The following PPA1 variants were observed in gnomAD, a reference collection of about 807,000 sequenced individuals.
PPA1 encodes the protein inorganic pyrophosphatase.
A neutral mutation model predicts 41.8 loss-of-function variants in PPA1; 23 were observed. The ratio of observed to expected loss-of-function variants is 0.55; its 90% CI spans 0.40 to 0.78. The LOEUF (loss-of-function observed/expected upper bound fraction) is 0.78, where lower values mean the gene tolerates loss of function less well. PPA1 is among the 30% of genes least tolerant of loss of function. PPA1 has a pLI of 0.00. For missense variants in PPA1, 320 were observed against 361.6 expected (o/e 0.89, Z 0.93); for synonymous variants, 101 against 116.8 (o/e 0.86, Z 0.87).
intron 2 of PPA1, among the ~76,000 whole-genome samples, chr10:70,226,264 T>C (rs941585527): frequency 1.3e-5 from 2 of 152,100 alleles, no homozygotes; most frequent in Admixed American, 6.5e-5. Flanking sequence ...TAACTTAATT[T>C]GTCATGTCAT....
chr10:70,221,076 AT>A (rs11310336), intron 2 of PPA1, among the ~76,000 whole-genome samples: 8,736 of 39,992 alleles, frequency 0.22, 1,739 homozygotes, highest in Non-Finnish European at 0.24. Flanking sequence ...ATATATATAT[AT>A]TTTTTTTTTT....
chr10:70,203,088 T>G lies in PPA1; in HGVS notation c.*67A>C, dbSNP rs185790846. ...ATTTAAAGCTTTGAAAAGCTACTACTTTTACTTCTAATACATCCAGATGAA... is the reference window on the plus strand; with the variant it reads ...ATTTAAAGCTTTGAAAAGCTACTACGTTTACTTCTAATACATCCAGATGAA... On this transcript the variant is annotated 3_prime_UTR_variant, in exon 11 of 11. Transcript: ENST00000373232. 582 of 1,494,980 alleles carry G rather than the reference T, an allele frequency of 3.9e-4. 1 individual carries two copies. In the Middle Eastern group the frequency reaches 8.2e-3, roughly 21 times the overall value. The allele number at this position is 1,494,980 out of a possible 1,614,324, so 92.6% of individuals were successfully genotyped here.
At chr10:70,232,436 G>C (rs1840298551) in intron 1 of PPA1, among the ~76,000 whole-genome samples, 1 of 152,178 alleles carries the variant, frequency 6.6e-6, no homozygotes, top group African/African-American at 2.4e-5. Context: ...CCACCTACAA[G>C]GCCAAAAAAA....
At position 70,233,398 on chromosome 10, in the gene PPA1, A is replaced by G. The variant is rs939797828; in HGVS notation, c.-71T>C. 9.9e-6 allele frequency: 15 copies of G among 1,516,570 alleles called. No homozygotes were observed. The African/African-American group carries it at 1.8e-4, about 19-fold the overall frequency. 93.9% of individuals were successfully genotyped at this position (1,516,570 alleles called of 1,614,324 possible). ...GCACGCGGCGCCGACTGACAAGGAG[A>G]GAGCCCCACGCCTGCGCACTGCGAG... On this transcript the variant is annotated 5_prime_UTR_variant, in exon 1 of 11. Coordinates refer to ENST00000373232, the MANE Select transcript of PPA1 (RefSeq NM_021129.4).
rs904043919 is a variant in PPA1 at position 70,205,911 on chromosome 10, C to T, written c.795+353G>A. 3 of 197,718 alleles carry T rather than the reference C, an allele frequency of 1.5e-5. No individual in the cohort carries two copies. The East Asian group carries it at 3.1e-4, about 21-fold the overall frequency. 12.2% of individuals were successfully genotyped at this position (197,718 alleles called of 1,614,324 possible). The stretch of plus-strand genomic sequence containing the variant: ...CCTAAAACTTGATACCTTCCTCAGT[C>T]CTTGCTAGAACCAAGTCAAGTAAAT... On this transcript the variant is annotated intron_variant, in intron 9 of 10. Coordinates refer to ENST00000373232, the MANE Select transcript of PPA1 (RefSeq NM_021129.4).
Position 70,213,142 on chromosome 10 carries a change from C to T in PPA1, c.511+321G>A, listed in dbSNP as rs1285285526. On this transcript the variant is annotated intron_variant, in intron 6 of 10. Coordinates refer to ENST00000373232, the MANE Select transcript of PPA1 (RefSeq NM_021129.4). ...AAAAACCACTGAATTGTACATTTTA[C>T]AATGGTGACTCTTTGATATGTGAAT... Among the ~76,000 whole-genome samples the T allele has an allele frequency of 2.6e-5, 4 of 152,114 alleles. No individual in the cohort carries two copies. The East Asian group carries it at 5.8e-4, about 22-fold the overall frequency.
chr10:70,215,811 A>G (rs965668420), intron 4 of PPA1, among the ~76,000 whole-genome samples: 3 of 152,182 alleles, frequency 2.0e-5, no homozygotes, highest in Non-Finnish European at 2.9e-5. Context: ...TAAAAGTATC[A>G]TCACTGACCA....
intron 2 of PPA1, among the ~76,000 whole-genome samples, chr10:70,222,400 A>C (rs945932055): frequency 2.0e-5 from 3 of 152,036 alleles, no homozygotes; most frequent in African/African-American, 4.8e-5. Context: ...TACCTGCAAA[A>C]GCCAGAGTCA....
At chr10:70,231,295 G>C (rs576528157) in intron 1 of PPA1, among the ~76,000 whole-genome samples, 1 of 152,354 alleles carries the variant, frequency 6.6e-6, no homozygotes, top group East Asian at 1.9e-4. Context: ...GGCCAGGCAC[G>C]GTGGCTCACG....
At chr10:70,232,738 G>A (rs1840301843) in intron 1 of PPA1, among the ~76,000 whole-genome samples, 1 of 152,092 alleles carries the variant, frequency 6.6e-6, no homozygotes, top group South Asian at 2.1e-4. Flanking sequence ...CTTCACAGAC[G>A]GCTCCCGATC....
Position 70,220,565 on chromosome 10 carries a change from T to C in PPA1, c.124-1748A>G, listed in dbSNP as rs1235621578. ...TTTATGTATAATATATATATAATTA[T>C]ATATATAATATATATAATTATATAT... On this transcript the variant is annotated intron_variant, in intron 2 of 10. Coordinates refer to ENST00000373232, the MANE Select transcript of PPA1 (RefSeq NM_021129.4). Among the ~76,000 whole-genome samples the C allele has an allele frequency of 9.8e-4, 56 of 57,274 alleles. 6 individuals carry two copies. Among genetic ancestry groups the C allele is most frequent in the Middle Eastern group, 6.3e-3 (1 of 160 alleles). 37.6% of individuals were successfully genotyped at this position (57,274 alleles called of 152,430 possible). A position where few individuals can be genotyped will look rare whatever the true frequency, so the allele number is the denominator to read the frequency against.
At position 70,220,789 on chromosome 10, in the gene PPA1, A is replaced by ATATATATATTATATATATAATTTT. The variant is rs1840143285; in HGVS notation, c.124-1973_124-1972insAAAATTATATATATAATATATATA. 8.8e-4 allele frequency among the ~76,000 whole-genome samples: 2 copies of ATATATATATTATATATATAATTTT among 2,280 alleles called. 1 individual carries two copies. Among genetic ancestry groups the ATATATATATTATATATATAATTTT allele is most frequent in the African/African-American group, 3.8e-3 (2 of 526 alleles). 1.5% of individuals were successfully genotyped at this position (2,280 alleles called of 152,430 possible). A position where few individuals can be genotyped will look rare whatever the true frequency, so the allele number is the denominator to read the frequency against. Reference sequence around the variant, plus strand: ...TATATATATATAATATATATAATTTATATATATATAATATATATAATTTTT... The same window carrying ATATATATATTATATATATAATTTT: ...TATATATATATAATATATATAATTTATATATATATTATATATATAATTTTTATATATATAATATATATAATTTTT... On this transcript the variant is annotated intron_variant, in intron 2 of 10. Transcript: ENST00000373232.
At chr10:70,211,032 G>GCA (rs1840012610) in intron 6 of PPA1, among the ~76,000 whole-genome samples, 1 of 152,066 alleles carries the variant, frequency 6.6e-6, no homozygotes, top group Non-Finnish European at 1.5e-5. Flanking sequence ...CAAAGTGCTG[G>GCA]GATTACAGGC....
intron 2 of PPA1, among the ~76,000 whole-genome samples, chr10:70,225,021 G>A (rs9888109): frequency 0.32 from 48,084 of 152,138 alleles, 8,992 homozygotes; most frequent in East Asian, 0.53. Flanking sequence ...ATGAGCCACC[G>A]CGCCCAGCAT....
intron 10 of PPA1, chr10:70,203,931 C>G (rs146701615): frequency 1.3e-5 from 2 of 152,534 alleles, no homozygotes; most frequent in East Asian, 3.8e-4. Context: ...CACTGTGATA[C>G]AGTGTGGCAC....
intron 1 of PPA1, among the ~76,000 whole-genome samples, chr10:70,230,875 T>A (rs1380964867): frequency 6.6e-6 from 1 of 152,238 alleles, no homozygotes; most frequent in Non-Finnish European, 1.5e-5. Flanking sequence ...TGGGTTTACA[T>A]CCTATGCACT....
intron 6 of PPA1, among the ~76,000 whole-genome samples, chr10:70,210,812 C>T (rs1840009316): frequency 6.6e-6 from 1 of 150,656 alleles, no homozygotes; most frequent in Non-Finnish European, 1.5e-5. Context: ...GTCTCCCAGG[C>T]TGGAGTGCAG....
chr10:70,233,200 G>T, intron 1 of PPA1, 64 bp downstream of exon 1: 1 of 1,497,060 alleles, frequency 6.7e-7, no homozygotes, highest in Non-Finnish European at 8.9e-7. Flanking sequence ...CCCTCCCGGG[G>T]AGGCAAGGCC....
intron 9 of PPA1, 162 bp downstream of exon 9, chr10:70,206,102 C>A (rs1013204139): frequency 2.3e-5 from 14 of 606,166 alleles, no homozygotes; most frequent in Admixed American, 5.8e-5. Flanking sequence ...AGTCAAATGG[C>A]CACTTGCATG....
Sources: allele counts gnomAD v4.1 joint callset (sites outside exome capture counted in the v4.1 genomes callset), GRCh38; gene constraint gnomAD v4.1.1; transcripts MANE v1.5; gene names NCBI Gene and HGNC (gene_info 2026-07-23, HGNC 2026-07-21).